The following SPEG variants were observed in gnomAD, a reference collection of about 807,000 sequenced individuals.
SPEG encodes striated muscle enriched protein kinase, also known as striated muscle preferentially expressed protein kinase.
In SPEG, 114 loss-of-function variants were observed where a neutral mutation model predicts 300.4. The observed-to-expected ratio is 0.38, with a 90% CI of 0.33 to 0.44. The LOEUF (loss-of-function observed/expected upper bound fraction) is 0.44. SPEG is among the 20% of genes least tolerant of loss of function. SPEG has a pLI of 1.00. For missense variants in SPEG, 4,201 were observed against 4,586.2 expected (o/e 0.92, Z 2.43); for synonymous variants, 1,964 against 2,018.9 (o/e 0.97, Z 0.73).
Position 219,484,434 on chromosome 2 carries a change from T to C in SPEG, c.6971T>C (p.Ile2324Thr), listed in dbSNP as rs201170917. 6.8e-6 allele frequency: 11 copies of C among 1,611,268 alleles called. No homozygotes were observed. Among genetic ancestry groups the C allele is most frequent in the African/African-American group, 6.7e-5 (5 of 74,876 alleles). Reference protein sequence around the residue: ...PRPGSSLSSSIENLESEAVFE... With the variant: ...PRPGSSLSSSTENLESEAVFE... ...CCAGGCAGCAGTCTCAGTAGCAGCA[T>C]CGAAAACTTGGAGTCGGAGGCCGTG... Residue 2324 changes from isoleucine (I) to threonine (T), a missense_variant, in exon 30 of 41, where the codon ATC becomes ACC. Physicochemically the swap from Ile to Thr is moderately conservative, Grantham distance 89 (BLOSUM62 -1). This residue lies in a region of SPEG where 1,578 missense variants were observed against 1,506.0 expected (regional missense o/e 1.05). Coordinates refer to ENST00000312358, the MANE Select transcript of SPEG (RefSeq NM_005876.5).
At chr2:219,466,113 C>A (rs1408035671) in intron 9 of SPEG, 39 of 1,588,344 alleles carry the variant, frequency 2.5e-5, no homozygotes, top group Non-Finnish European at 3.2e-5. Flanking sequence ...AGCCGCGCCC[C>A]TGTCTCAGGC....
intron 1 of SPEG, among the ~76,000 whole-genome samples, chr2:219,438,307 G>C (rs1162656306): frequency 6.6e-6 from 1 of 152,138 alleles, no homozygotes; most frequent in African/African-American, 2.4e-5. Flanking sequence ...TATTCATATA[G>C]AAAAACTGGG....
chr2:219,452,626 G>C (rs1689852193), intron 6 of SPEG, among the ~76,000 whole-genome samples: 1 of 152,140 alleles, frequency 6.6e-6, no homozygotes, highest in Non-Finnish European at 1.5e-5. Context: ...TTGGGGGACA[G>C]TGCGGAGCAG....
chr2:219,451,595 G>A lies in SPEG; in HGVS notation c.2258-30G>A. 6.7e-7 allele frequency: 1 copy of A among 1,488,850 alleles called. No homozygotes were observed. The highest frequency in any genetic ancestry group is 1.3e-5 in the South Asian group (1 of 75,524). The allele number at this position is 1,488,850 out of a possible 1,614,324, so 92.2% of individuals were successfully genotyped here. On this transcript the variant is annotated intron_variant, in intron 5 of 40. Transcript: ENST00000312358. The surrounding 1 kb of genome is among the most constrained non-coding windows in gnomAD (Gnocchi z 6.4). ...TTCTCAGTGGGCGCCTGTGGGCCGT[G>A]GCGAGCCGGGTCCCTGTGCCTCCCC...
intron 13 of SPEG, among the ~76,000 whole-genome samples, chr2:219,470,838 T>C (rs1341707333): frequency 6.6e-6 from 1 of 152,128 alleles, no homozygotes; most frequent in Non-Finnish European, 1.5e-5. Flanking sequence ...GGGGATAATT[T>C]TGTAGAGTTG....
At position 219,464,640 on chromosome 2, in the gene SPEG, C is replaced by T; in HGVS notation, c.2881+32C>T. 1 of 1,599,598 alleles carries T rather than the reference C, an allele frequency of 6.3e-7. No individual in the cohort carries two copies. Among genetic ancestry groups the T allele is most frequent in the Non-Finnish European group, 8.6e-7 (1 of 1,168,414 alleles). On this transcript the variant is annotated intron_variant, in intron 9 of 40. Transcript: ENST00000312358. The surrounding 1 kb of genome is among the most constrained non-coding windows in gnomAD (Gnocchi z 4.5). ...ACCTGATTTCTCCATGAATGCCCAC[C>T]TGGCCCTGGCCCCTTCCTTCCCCCA...
rs1217380111 is a variant in SPEG, at chr2:219,451,574, C to T, written c.2258-51C>T. ...TGTGTGGGGTAGGAGTAGAGATTCT[C>T]AGTGGGCGCCTGTGGGCCGTGGCGA... On this transcript the variant is annotated intron_variant, in intron 5 of 40. Transcript: ENST00000312358. This position sits in a 1 kb window ranked among gnomAD's most constrained non-coding sequence, Gnocchi z 6.4. The T allele has an allele frequency of 5.5e-6, 8 of 1,446,064 alleles. No homozygotes were observed. The highest frequency in any genetic ancestry group is 7.3e-6 in the Non-Finnish European group (8 of 1,096,196). The allele number at this position is 1,446,064 out of a possible 1,614,324, so 89.6% of individuals were successfully genotyped here.
At chr2:219,487,714 C>T (rs1693569757) in intron 31 of SPEG, among the ~76,000 whole-genome samples, 1 of 152,216 alleles carries the variant, frequency 6.6e-6, no homozygotes, top group Admixed American at 6.5e-5. Context: ...TGAGACTGCA[C>T]ATTCTGATAG....
chr2:219,477,005 G>C lies in SPEG; in HGVS notation c.4560+23G>C. ...AAGGTCAGAGTGTGCTGCTGGCTGA[G>C]CCTGGGGGAGGGAGGAGGGGCTCCC... On this transcript the variant is annotated intron_variant, in intron 19 of 40. Transcript: ENST00000312358. This position sits in a 1 kb window ranked among gnomAD's most constrained non-coding sequence, Gnocchi z 6.4. 6.3e-7 allele frequency: 1 copy of C among 1,576,870 alleles called. No homozygotes were observed.
chr2:219,485,100 G>T (rs1310045115), intron 30 of SPEG, 28 bp downstream of exon 30: 1 of 1,527,492 alleles, frequency 6.5e-7, no homozygotes, highest in Non-Finnish European at 8.7e-7. Flanking sequence ...TAGGGCAGCA[G>T]GTGCAGAGGA....
chr2:219,478,685 G>A (rs1247321252), intron 22 of SPEG, among the ~76,000 whole-genome samples: 2 of 152,170 alleles, frequency 1.3e-5, no homozygotes, highest in African/African-American at 2.4e-5. Context: ...CTGCACATGA[G>A]CCTCCTGCCT....
Position 219,473,837 on chromosome 2 carries a change from G to A in SPEG, c.4381G>A (p.Ala1461Thr). The change falls in exon 18 of 41, where the codon GCC (alanine) becomes ACC (threonine). Residue 1461 changes from alanine to threonine, a missense_variant. Physicochemically the swap from Ala to Thr is moderately conservative, Grantham distance 58 (BLOSUM62 0). Around this residue, in one of 4 missense-constraint regions of SPEG, gnomAD observed 1,047 missense variants for 1,356.8 expected, o/e 0.77. Transcript: ENST00000312358. The surrounding 1 kb of genome is among the most constrained non-coding windows in gnomAD (Gnocchi z 4.6). ...ICRVSRRDMG[A>T]LTCTARNRHG... ...CCGGGTGAGCCGCCGGGACATGGGG[G>A]CCCTCACCTGCACCGCCCGAAACCG... 1 of 1,613,782 alleles carries A rather than the reference G, an allele frequency of 6.2e-7. No homozygotes were observed. Among genetic ancestry groups the A allele is most frequent in the Non-Finnish European group, 8.5e-7 (1 of 1,180,032 alleles).
At chr2:219,457,191 A>G (rs1690259599) in intron 6 of SPEG, among the ~76,000 whole-genome samples, 1 of 152,202 alleles carries the variant, frequency 6.6e-6, no homozygotes, top group African/African-American at 2.4e-5. Flanking sequence ...CTACTGAAAC[A>G]GCACATGTGG....
intron 3 of SPEG, 91 bp from the exon 4 acceptor site, chr2:219,447,883 G>A: frequency 8.0e-7 from 1 of 1,247,390 alleles, no homozygotes; most frequent in Non-Finnish European, 1.1e-6. Flanking sequence ...AGCCTGCCCA[G>A]CATGCCCACC....
At chr2:219,461,740 G>A (rs1460038760) in intron 6 of SPEG, 142 bp from the exon 7 acceptor site, 16 of 966,632 alleles carry the variant, frequency 1.7e-5, no homozygotes, top group African/African-American at 8.4e-5. Flanking sequence ...GGGCGAGGTC[G>A]CAGGAGCCTG....
In SPEG at chr2:219,492,808, C is replaced by G. The variant is rs751651984; in HGVS notation, c.*22C>G. The G allele has an allele frequency of 2.2e-5, 34 of 1,554,860 alleles. No individual in the cohort carries two copies. In the East Asian group the frequency reaches 6.8e-4, roughly 31 times the overall value. On this transcript the variant is annotated 3_prime_UTR_variant, in exon 41 of 41. Transcript: ENST00000312358. ...CTAGAGGCACGGACCACAGCCAGGC[C>G]TCGGGCTTCAACTGGGGTTCCCACC...
At position 219,477,315 on chromosome 2, in the gene SPEG, C is replaced by T. The variant is rs753170425; in HGVS notation, c.4599C>T (p.Phe1533=). The T allele has an allele frequency of 5.6e-6, 9 of 1,613,266 alleles. No homozygotes were observed. Among genetic ancestry groups the T allele is most frequent in the South Asian group, 1.1e-5 (1 of 91,046 alleles). Residue 1533 remains phenylalanine (F), a synonymous_variant, in exon 20 of 41, where the codon TTC becomes TTT. Transcript: ENST00000312358. This position sits in a 1 kb window ranked among gnomAD's most constrained non-coding sequence, Gnocchi z 6.4. Reference sequence around the variant, plus strand: ...TGACCGAGAGCAGCCATGTGAGCTTCGTGTACGAGGAGAATGAGTGCTCCC... The same window carrying T: ...TGACCGAGAGCAGCCATGTGAGCTTTGTGTACGAGGAGAATGAGTGCTCCC... ...VLLTESSHVS[F]VYEENECSLV...
Position 219,468,670 on chromosome 2 carries a change from C to T in SPEG, c.3235C>T (p.Arg1079Ter). The change falls in exon 11 of 41, where the codon CGA becomes TGA. Residue 1079 changes from arginine to a stop codon, truncating the protein, a stop_gained. Coordinates refer to ENST00000312358, the MANE Select transcript of SPEG (RefSeq NM_005876.5). LOFTEE classifies it high-confidence loss of function. ...GGAAGATGTGGAGGTGTTGGAGGGC[C>T]GAGCTGCCCGTTTCGACTGCAAGAT... ...LLEDVEVLEGRAARFDCKISG... is the reference protein window; with the variant it reads ...LLEDVEVLEG 6.2e-7 allele frequency: 1 copy of T among 1,614,112 alleles called. No individual in the cohort carries two copies. Among genetic ancestry groups the T allele is most frequent in the Non-Finnish European group, 8.5e-7 (1 of 1,180,000 alleles).
chr2:219,484,235 G>A lies in SPEG; in HGVS notation c.6772G>A (p.Ala2258Thr), dbSNP rs1004552194. ...IIQSLQLSGH[A>T]QGPSQGPAAP... ...TCAGTCCCTCCAGCTGTCAGGCCAC[G>A]CCCAGGGCCCCTCGCAGGGCCCTGC... The change falls in exon 30 of 41, where the codon GCC becomes ACC. Residue 2258 changes from alanine to threonine, a missense_variant. Transcript: ENST00000312358. 3 of 1,611,350 alleles carry A rather than the reference G, an allele frequency of 1.9e-6. No individual in the cohort carries two copies. The highest frequency in any genetic ancestry group is 1.7e-6 in the Non-Finnish European group (2 of 1,179,802).
Sources: allele counts gnomAD v4.1 joint callset (sites outside exome capture counted in the v4.1 genomes callset), GRCh38; gene constraint gnomAD v4.1.1; regional missense constraint gnomAD v4.1.1; non-coding constraint Gnocchi (gnomAD v3.1); transcripts MANE v1.5; gene names NCBI Gene and HGNC (gene_info 2026-07-23, HGNC 2026-07-21).